The following HSPA14 variants were observed in gnomAD, a reference collection of about 807,000 sequenced individuals.
The protein encoded by HSPA14 is heat shock protein family A (Hsp70) member 14.
A neutral mutation model predicts 65.5 loss-of-function variants in HSPA14; 37 were observed. The ratio of observed to expected loss-of-function variants is 0.56; its 90% CI spans 0.43 to 0.74. HSPA14 has a LOEUF of 0.74. Among genes scored for constraint, HSPA14 ranks in the 30% least tolerant of loss-of-function variants. HSPA14 has a pLI of 0.00. For synonymous variants in HSPA14, 203 were observed against 214.2 expected (o/e 0.95, Z 0.46); for missense variants, 564 against 607.6 (o/e 0.93, Z 0.75).
In HSPA14 at chr10:14,858,849, A is replaced by G. The variant is rs554287269; in HGVS notation, c.993+2906A>G. 2.0e-5 allele frequency among the ~76,000 whole-genome samples: 3 copies of G among 152,300 alleles called. No individual in the cohort carries two copies. The South Asian group carries it at 6.2e-4, about 32-fold the overall frequency. On this transcript the variant is annotated intron_variant, in intron 10 of 13. Coordinates refer to ENST00000378372, the MANE Select transcript of HSPA14 (RefSeq NM_016299.4). ...TAAGAGGTTTCCAGAGAGGTGAAGT[A>G]ATTTGTCCTGCAGTCATGAGGCTGG...
At chr10:14,864,693 A>T (rs1832789710) in intron 10 of HSPA14, among the ~76,000 whole-genome samples, 1 of 152,208 alleles carries the variant, frequency 6.6e-6, no homozygotes, top group Non-Finnish European at 1.5e-5. Flanking sequence ...CATGGTGTAT[A>T]TGTGCCACAT....
chr10:14,840,246 T>C (rs1833956279), intron 3 of HSPA14, 89 bp downstream of exon 3: 2 of 612,632 alleles, frequency 3.3e-6, no homozygotes, highest in South Asian at 8.4e-5. Context: ...AGAAACAGCA[T>C]AGTTTGTTTC....
chr10:14,848,281 T>G (rs866870475), intron 3 of HSPA14, among the ~76,000 whole-genome samples: 1 of 152,180 alleles, frequency 6.6e-6, no homozygotes, highest in Admixed American at 6.5e-5. Flanking sequence ...TTCAGAATCA[T>G]AGGTGTGAAA....
At chr10:14,860,793 G>A (rs548093049) in intron 10 of HSPA14, among the ~76,000 whole-genome samples, 2 of 152,232 alleles carry the variant, frequency 1.3e-5, no homozygotes, top group Non-Finnish European at 2.9e-5. Context: ...AGGGGTCTGG[G>A]CTGGAGACAT....
intron 10 of HSPA14, among the ~76,000 whole-genome samples, chr10:14,861,090 G>C (rs1832746682): frequency 6.6e-6 from 1 of 152,174 alleles, no homozygotes; most frequent in African/African-American, 2.4e-5. Context: ...AATGTGGAAT[G>C]GCTTGTCAGA....
intron 10 of HSPA14, among the ~76,000 whole-genome samples, chr10:14,865,316 CTTTAG>C (rs1293955060): frequency 1.3e-5 from 2 of 151,640 alleles, no homozygotes; most frequent in Non-Finnish European, 3.0e-5. Flanking sequence ...TGCAGAAGCT[CTTTAG>C]TTTAATTAGA....
chr10:14,838,669 C>G (rs1014390819), intron 1 of HSPA14: 1 of 524,920 alleles, frequency 1.9e-6, no homozygotes, highest in Non-Finnish European at 3.3e-6. Flanking sequence ...GCGGCGGAGG[C>G]TCGCGGCGAT....
In HSPA14 at chr10:14,871,488, A is replaced by G. The variant is rs777806781; in HGVS notation, c.1452-40A>G. ...GTTACAGACTTTATGTTTTTATAAA[A>G]TGAGCTTGTGCAATGTTCTTTATTT... On this transcript the variant is annotated intron_variant, in intron 13 of 13. Coordinates refer to ENST00000378372, the MANE Select transcript of HSPA14 (RefSeq NM_016299.4). 6 of 1,151,968 alleles carry G rather than the reference A, an allele frequency of 5.2e-6. No homozygotes were observed. The Admixed American group carries it at 1.2e-4, about 23-fold the overall frequency. The allele number at this position is 1,151,968 out of a possible 1,614,324, so 71.4% of individuals were successfully genotyped here. A position where few individuals can be genotyped will look rare whatever the true frequency, so the allele number is the denominator to read the frequency against.
chr10:14,862,711 C>T (rs923922967), intron 10 of HSPA14, among the ~76,000 whole-genome samples: 3 of 150,444 alleles, frequency 2.0e-5, no homozygotes, highest in South Asian at 4.2e-4. Flanking sequence ...CTCACTCTGT[C>T]ATCTGTCATC....
intron 12 of HSPA14, among the ~76,000 whole-genome samples, chr10:14,869,718 A>G (rs778132825): frequency 1.3e-5 from 2 of 152,198 alleles, no homozygotes; most frequent in Non-Finnish European, 2.9e-5. Context: ...GCGCTTCCAC[A>G]TGAATTGGTT....
intron 10 of HSPA14, 27 bp downstream of exon 10, chr10:14,855,970 A>G (rs1410488960): frequency 2.4e-6 from 3 of 1,261,530 alleles, no homozygotes; most frequent in Non-Finnish European, 3.5e-6. Context: ...TTTCTTAACT[A>G]TTTTAGGTGT....
intron 5 of HSPA14, chr10:14,849,301 A>G (rs1161561523): frequency 1.2e-5 from 5 of 419,084 alleles, no homozygotes; most frequent in African/African-American, 2.1e-5. Context: ...ACAATTTGGG[A>G]AATTCTGGAA....
chr10:14,842,711 A>G lies in HSPA14; in HGVS notation c.221+2554A>G, dbSNP rs1412552687. The G allele has an allele frequency of 6.5e-7, 1 of 1,536,484 alleles. No homozygotes were observed. The highest frequency in any genetic ancestry group is 2.4e-5 in the East Asian group (1 of 40,918). On this transcript the variant is annotated intron_variant, in intron 3 of 13. Coordinates refer to ENST00000378372, the MANE Select transcript of HSPA14 (RefSeq NM_016299.4). The surrounding 1 kb of genome is among the most constrained non-coding windows in gnomAD (Gnocchi z 5.2). ...GGGAACCGGCATTCTAAAATCAAAA[A>G]GGACTCAGGCAGCTGATCATCAGCC... is the stretch of plus-strand genomic sequence containing the variant.
intron 9 of HSPA14, 40 bp from the exon 10 acceptor site, chr10:14,855,801 C>T: frequency 3.9e-6 from 4 of 1,012,862 alleles, no homozygotes; most frequent in African/African-American, 1.6e-5. Flanking sequence ...TCTCTTGTCC[C>T]TGTGTCTGTG....
At chr10:14,851,676 A>T (rs1164803003) in intron 7 of HSPA14, among the ~76,000 whole-genome samples, 1 of 152,238 alleles carries the variant, frequency 6.6e-6, no homozygotes, top group Non-Finnish European at 1.5e-5. Flanking sequence ...ACTGTTATAT[A>T]CATTTGACAG....
In HSPA14 at chr10:14,855,824, T is replaced by TAC. The variant is rs1282084192; in HGVS notation, c.891-17_891-16insAC. The TAC allele has an allele frequency of 1.6e-6, 2 of 1,266,054 alleles. No individual in the cohort carries two copies. The highest frequency in any genetic ancestry group is 3.6e-5 in the Admixed American group (2 of 55,730). 78.4% of individuals were successfully genotyped at this position (1,266,054 alleles called of 1,614,324 possible). Reference sequence around the variant, plus strand: ...CCCTGTGTCTGTGTGTTTCTGTGTGTGTGTATGTGTGTACAGAGCAAGATT... The same window carrying TAC: ...CCCTGTGTCTGTGTGTTTCTGTGTGTACGTGTATGTGTGTACAGAGCAAGATT... On this transcript the variant is annotated splice_polypyrimidine_tract_variant and intron_variant, in intron 9 of 13. Transcript: ENST00000378372.
intron 10 of HSPA14, among the ~76,000 whole-genome samples, chr10:14,865,221 A>T (rs1369806342): frequency 6.6e-6 from 1 of 152,162 alleles, no homozygotes; most frequent in Non-Finnish European, 1.5e-5. Flanking sequence ...TGTGGATATT[A>T]GCCCTTTGTC....
Position 14,867,344 on chromosome 10 carries a change from A to T in HSPA14, c.1206+49A>T, listed in dbSNP as rs762955910. ...GTTAAGGTATGTTTAGCTTTTCTATACTTTACATAAAAATAGTAAATTAAT... is the reference window on the plus strand; with the variant it reads ...GTTAAGGTATGTTTAGCTTTTCTATTCTTTACATAAAAATAGTAAATTAAT... On this transcript the variant is annotated intron_variant, in intron 11 of 13. Coordinates refer to ENST00000378372, the MANE Select transcript of HSPA14 (RefSeq NM_016299.4). 3.9e-6 allele frequency: 5 copies of T among 1,281,738 alleles called. No homozygotes were observed. In the South Asian group the frequency reaches 6.3e-5, roughly 16 times the overall value. The allele number at this position is 1,281,738 out of a possible 1,614,324, so 79.4% of individuals were successfully genotyped here.
intron 7 of HSPA14, among the ~76,000 whole-genome samples, chr10:14,851,708 G>A (rs1168852260): frequency 3.9e-5 from 6 of 152,212 alleles, no homozygotes; most frequent in Non-Finnish European, 8.8e-5. Flanking sequence ...GATTTAGCAT[G>A]AGGTTTTGAG....
Sources: gnomAD v4.1 joint callset for allele counts (sites outside exome capture counted in the v4.1 genomes callset) on GRCh38, gnomAD v4.1.1 for gene constraint, Gnocchi (gnomAD v3.1) non-coding constraint, MANE v1.5 for transcripts, NCBI Gene and HGNC (gene_info 2026-07-23, HGNC 2026-07-21) for gene names.